Variants in GUCY1A2 observed in about 807,000 individuals in gnomAD.
GUCY1A2 encodes guanylate cyclase 1 soluble subunit alpha 2.
GUCY1A2 carries 27 observed loss-of-function variants against 63.5 expected under a neutral mutation model. That is an observed-to-expected ratio of 0.43 (90% confidence interval 0.31 to 0.59). GUCY1A2 has a LOEUF of 0.59. Among genes scored for constraint, GUCY1A2 ranks in the 20% least tolerant of loss-of-function variants. The pLI is 0.11. For missense variants in GUCY1A2, 768 were observed against 913.3 expected (o/e 0.84, Z 2.05); for synonymous variants, 364 against 343.5 (o/e 1.06, Z -0.66).
chr11:106,776,797 C>G (rs1864364844), intron 5 of GUCY1A2, among the ~76,000 whole-genome samples: 1 of 152,280 alleles, frequency 6.6e-6, no homozygotes, highest in South Asian at 2.1e-4. Context: ...AACATTATCA[C>G]TAGAGATGAT....
In GUCY1A2 at chr11:106,685,502, A is replaced by G. The variant is rs1025040303; in HGVS notation, c.*2047T>C. The G allele has an allele frequency of 4.4e-6, 1 of 225,344 alleles. No homozygotes were observed. The highest frequency in any genetic ancestry group is 6.4e-5 in the East Asian group (1 of 15,548). 14.0% of individuals were successfully genotyped at this position (225,344 alleles called of 1,614,324 possible). A position where few individuals can be genotyped will look rare whatever the true frequency, so the allele number is the denominator to read the frequency against. ...TTTCAGCCTTATGGTTACAAAACAC[A>G]TTGTTCATCACCAACATTTTATTGA... On this transcript the variant is annotated 3_prime_UTR_variant, in exon 8 of 8. Transcript: ENST00000526355.
chr11:106,703,972 T>G (rs1173111821), intron 7 of GUCY1A2, among the ~76,000 whole-genome samples: 1 of 152,130 alleles, frequency 6.6e-6, no homozygotes, highest in Non-Finnish European at 1.5e-5. Context: ...GAATTTCCCA[T>G]GTACACAGCC....
At chr11:106,732,204 G>C (rs186722755) in intron 6 of GUCY1A2, among the ~76,000 whole-genome samples, 6 of 152,000 alleles carry the variant, frequency 3.9e-5, no homozygotes, top group Non-Finnish European at 7.4e-5. Context: ...ACAGATAAGA[G>C]AGCCCAGAAA....
Position 106,687,640 on chromosome 11 carries a change from G to C in GUCY1A2, c.2108C>G (p.Pro703Arg), listed in dbSNP as rs1349766016. The change falls in exon 8 of 8, where the codon CCA becomes CGA. Residue 703 changes from proline (P) to arginine (R), a missense_variant. By Grantham distance (103) the Pro-to-Arg change is moderately radical (BLOSUM62 -2). Transcript: ENST00000526355. ...AGAAAGAGAAGGCTTTGGTGGCTTT[G>C]GACCAGTCCTTACCTCCAGGAAATA... ...ICYFLEVRTG[P>R]KPPKPSLSSS... 6.2e-7 allele frequency: 1 copy of C among 1,613,758 alleles called. No individual in the cohort carries two copies. Among genetic ancestry groups the C allele is most frequent in the Non-Finnish European group, 8.5e-7 (1 of 1,179,822 alleles).
chr11:106,956,681 G>T (rs374316802), intron 3 of GUCY1A2, among the ~76,000 whole-genome samples: 1 of 152,130 alleles, frequency 6.6e-6, no homozygotes, highest in African/African-American at 2.4e-5. Context: ...CTCTGACCTC[G>T]ACAGGCACCA....
At chr11:106,914,194 A>G (rs1860337459) in intron 4 of GUCY1A2, among the ~76,000 whole-genome samples, 2 of 152,018 alleles carry the variant, frequency 1.3e-5, no homozygotes, top group South Asian at 4.1e-4. Context: ...GGGTCTTAAC[A>G]TACATGAAGA....
At chr11:106,813,533 C>A (rs933145533) in intron 4 of GUCY1A2, among the ~76,000 whole-genome samples, 2 of 152,004 alleles carry the variant, frequency 1.3e-5, no homozygotes, top group African/African-American at 4.8e-5. Context: ...TATAACTGCA[C>A]ATTACATGTT....
intron 3 of GUCY1A2, among the ~76,000 whole-genome samples, chr11:106,941,553 G>A (rs948829479): frequency 2.6e-5 from 4 of 152,134 alleles, no homozygotes; most frequent in African/African-American, 9.7e-5. Context: ...TTGAAGTCCT[G>A]CAAATCAGGC....
intron 4 of GUCY1A2, among the ~76,000 whole-genome samples, chr11:106,904,569 G>A (rs186001419): frequency 2.1e-3 from 312 of 151,958 alleles, no homozygotes; most frequent in African/African-American, 7.2e-3. Flanking sequence ...TTGATACGAT[G>A]GGCTTTTTAA....
chr11:106,828,803 G>A (rs975677507), intron 4 of GUCY1A2, among the ~76,000 whole-genome samples: 29 of 152,186 alleles, frequency 1.9e-4, no homozygotes, highest in Non-Finnish European at 1.5e-4. Flanking sequence ...GAGTTCAGTG[G>A]AATCCCAGAG....
chr11:106,829,744 C>T (rs1385328510), intron 4 of GUCY1A2, among the ~76,000 whole-genome samples: 1 of 152,140 alleles, frequency 6.6e-6, no homozygotes, highest in African/African-American at 2.4e-5. Context: ...CAGTCCACTA[C>T]TTCAAAATGG....
At chr11:106,763,942 C>T (rs1369068670) in intron 6 of GUCY1A2, among the ~76,000 whole-genome samples, 1 of 151,980 alleles carries the variant, frequency 6.6e-6, no homozygotes, top group Middle Eastern at 3.2e-3. Context: ...AGCAAATATG[C>T]CTTTTGGATT....
intron 4 of GUCY1A2, among the ~76,000 whole-genome samples, chr11:106,856,849 T>G (rs1859443381): frequency 6.6e-6 from 1 of 152,208 alleles, no homozygotes; most frequent in African/African-American, 2.4e-5. Flanking sequence ...CCAACTTCCC[T>G]ACTTGGTGTC....
chr11:106,899,618 A>T (rs984187542), intron 4 of GUCY1A2, among the ~76,000 whole-genome samples: 2 of 152,188 alleles, frequency 1.3e-5, no homozygotes, highest in African/African-American at 2.4e-5. Context: ...CACAGAATTA[A>T]AATATTTATA....
chr11:106,907,920 ACAATCT>A (rs1226203744), intron 4 of GUCY1A2, among the ~76,000 whole-genome samples: 3 of 152,156 alleles, frequency 2.0e-5, no homozygotes, highest in Non-Finnish European at 4.4e-5. Context: ...GTTTATCCAC[ACAATCT>A]CAAGAAGATA....
intron 2 of GUCY1A2, among the ~76,000 whole-genome samples, chr11:106,980,192 T>C (rs1861317136): frequency 6.6e-6 from 1 of 152,162 alleles, no homozygotes; most frequent in South Asian, 2.1e-4. Context: ...GGCAAATATG[T>C]GAATTTCCCA....
At chr11:106,851,230 T>C (rs1859350604) in intron 4 of GUCY1A2, among the ~76,000 whole-genome samples, 1 of 151,844 alleles carries the variant, frequency 6.6e-6, no homozygotes, top group Admixed American at 6.6e-5. Flanking sequence ...TTGTCTGAGT[T>C]CCTTGTATAG....
At position 106,674,150 on chromosome 11, in the gene GUCY1A2, T is replaced by G. The variant is rs545358571; in HGVS notation, c.*13399A>C. ...TGTAAATATAACACAGAACTATCATTTCCACTTTGTTTTATAAGAATCCCA... is the reference window on the plus strand; with the variant it reads ...TGTAAATATAACACAGAACTATCATGTCCACTTTGTTTTATAAGAATCCCA... On this transcript the variant is annotated 3_prime_UTR_variant, in exon 8 of 8. Coordinates refer to ENST00000526355, the MANE Select transcript of GUCY1A2 (RefSeq NM_000855.3). 5.5e-6 allele frequency: 1 copy of G among 183,428 alleles called. No individual in the cohort carries two copies. The highest frequency in any genetic ancestry group is 2.3e-5 in the African/African-American group (1 of 42,724). The allele number at this position is 183,428 out of a possible 1,614,324, so 11.4% of individuals were successfully genotyped here.
At chr11:106,713,974 G>A (rs1863171258) in intron 6 of GUCY1A2, among the ~76,000 whole-genome samples, 1 of 150,588 alleles carries the variant, frequency 6.6e-6, no homozygotes, top group Non-Finnish European at 1.5e-5. Flanking sequence ...GAGAGCAGAA[G>A]TGAGTATTAC....
Sources: gnomAD v4.1 joint callset for allele counts (sites outside exome capture counted in the v4.1 genomes callset) on GRCh38, gnomAD v4.1.1 for gene constraint, MANE v1.5 for transcripts, NCBI Gene and HGNC (gene_info 2026-07-23, HGNC 2026-07-21) for gene names.